Variants in GALNT13 observed in about 807,000 individuals in gnomAD.
GALNT13 encodes UDP-GalNAc:polypeptide N-acetylgalactosaminyltransferase 13.
Under a neutral mutation model 64.2 loss-of-function variants are expected in GALNT13, and 28 were observed. That is an observed-to-expected ratio of 0.44 (90% confidence interval 0.32 to 0.60). The LOEUF (loss-of-function observed/expected upper bound fraction) is 0.60. Among genes scored for constraint, GALNT13 ranks in the 20% least tolerant of loss-of-function variants. The probability of loss-of-function intolerance (pLI) is 0.05; values close to 1 mark genes in which losing one functional copy is unlikely to be tolerated. For synonymous variants in GALNT13, 214 were observed against 224.6 expected (o/e 0.95, Z 0.42); for missense variants, 577 against 669.8 (o/e 0.86, Z 1.53).
the GALNT13 span, among the ~76,000 whole-genome samples, chr2:153,778,887 T>C: frequency 6.6e-6 from 1 of 152,214 alleles, no homozygotes; most frequent in Admixed American, 6.5e-5. Flanking sequence ...AAGCTAGATG[T>C]TAATTTATAT....
At chr2:153,471,275 A>C in the GALNT13 span, among the ~76,000 whole-genome samples, 1 of 152,300 alleles carries the variant, frequency 6.6e-6, no homozygotes, top group East Asian at 1.9e-4. Flanking sequence ...CCAAGGTCTA[A>C]GTTAGTACCT....
At position 153,894,811 on chromosome 2, in the gene GALNT13, C is replaced by G. The variant is rs576333674; in HGVS notation, c.-176-6125C>G. Among the ~76,000 whole-genome samples, 28 of 151,952 alleles carry G rather than the reference C, an allele frequency of 1.8e-4. 1 individual carries two copies. Among genetic ancestry groups the G allele is most frequent in the Non-Finnish European group, 2.2e-4 (15 of 67,980 alleles). On this transcript the variant is annotated intron_variant, in intron 1 of 12. Transcript: ENST00000392825. The stretch of plus-strand genomic sequence containing the variant: ...ATAACAGAACTTAAATATGAGAGGA[C>G]AAAAAGTTCATATATCTTTACTTCG...
chr2:154,129,294 G>A (rs750643908), intron 3 of GALNT13, among the ~76,000 whole-genome samples: 12 of 152,144 alleles, frequency 7.9e-5, no homozygotes, highest in Non-Finnish European at 1.8e-4. Context: ...AGGAAAGAAA[G>A]CAAAGTATGC....
chr2:153,917,780 G>T (rs1478509906), intron 2 of GALNT13, among the ~76,000 whole-genome samples: 1 of 152,094 alleles, frequency 6.6e-6, no homozygotes, highest in Non-Finnish European at 1.5e-5. Flanking sequence ...ACACCCAATT[G>T]AGCAGCCTTG....
chr2:153,304,600 G>T, the GALNT13 span, among the ~76,000 whole-genome samples: 5 of 152,214 alleles, frequency 3.3e-5, no homozygotes, highest in African/African-American at 1.2e-4. Context: ...GACTTATGAC[G>T]GAATAACCTA....
chr2:153,918,564 A>G lies in GALNT13; in HGVS notation c.-105+17557A>G, dbSNP rs1271391738. 3.3e-5 allele frequency among the ~76,000 whole-genome samples: 5 copies of G among 152,086 alleles called. No individual in the cohort carries two copies. In the East Asian group the frequency reaches 9.6e-4, roughly 29 times the overall value. ...TGAGACAGGAAATTTTGAGATTCCT[A>G]CTAACTTACCAGTGTCCCTAAATCC... On this transcript the variant is annotated intron_variant, in intron 2 of 12. Transcript: ENST00000392825.
At chr2:153,323,923 G>C in the GALNT13 span, among the ~76,000 whole-genome samples, 1 of 152,302 alleles carries the variant, frequency 6.6e-6, no homozygotes, top group African/African-American at 2.4e-5. Flanking sequence ...CAGGTAGCAT[G>C]ATGCCTCCAG....
chr2:154,199,205 G>A (rs529983168), intron 4 of GALNT13, among the ~76,000 whole-genome samples: 16 of 151,916 alleles, frequency 1.1e-4, no homozygotes, highest in African/African-American at 3.6e-4. Context: ...GTTCTGCTCT[G>A]AATGTTTCTC....
chr2:153,934,654 A>C (rs114143379), intron 2 of GALNT13, among the ~76,000 whole-genome samples: 4 of 152,280 alleles, frequency 2.6e-5, no homozygotes, highest in African/African-American at 9.6e-5. Context: ...AGTACAATAT[A>C]TGTTTGTGTG....
chr2:153,765,078 T>C, the GALNT13 span, among the ~76,000 whole-genome samples: 5 of 152,160 alleles, frequency 3.3e-5, no homozygotes, highest in African/African-American at 1.2e-4. Flanking sequence ...TGAAAAATCT[T>C]TGTGAGGGCA....
chr2:153,380,153 A>G, the GALNT13 span, among the ~76,000 whole-genome samples: 1 of 152,146 alleles, frequency 6.6e-6, no homozygotes, highest in Admixed American at 6.6e-5. Context: ...TCAACCAATC[A>G]TTGATTGAAA....
At chr2:153,688,613 G>T in the GALNT13 span, among the ~76,000 whole-genome samples, 2 of 151,988 alleles carry the variant, frequency 1.3e-5, no homozygotes, top group South Asian at 4.1e-4. Flanking sequence ...ATCACCCAAA[G>T]GTAGGTCTAA....
rs183761906 is a variant in GALNT13 at position 154,206,522 on chromosome 2, C to T, written c.312-35508C>T. Among the ~76,000 whole-genome samples the T allele has an allele frequency of 2.0e-4, 30 of 151,486 alleles. 1 individual carries two copies. In the East Asian group the frequency reaches 5.2e-3, roughly 26 times the overall value. ...GTACAAGAGGAACGGGGGTCGGGCGCGGTGGCTCACGCCTGTAAACCTAGC... is the reference window on the plus strand; with the variant it reads ...GTACAAGAGGAACGGGGGTCGGGCGTGGTGGCTCACGCCTGTAAACCTAGC... On this transcript the variant is annotated intron_variant, in intron 4 of 12. Transcript: ENST00000392825.
At chr2:153,351,787 G>A in the GALNT13 span, among the ~76,000 whole-genome samples, 46,283 of 151,994 alleles carry the variant, frequency 0.3, 7,570 homozygotes, top group Non-Finnish European at 0.38. Flanking sequence ...TTCATGGCTT[G>A]ATAGGTCATT....
At chr2:153,970,933 C>T (rs1693694467) in intron 3 of GALNT13, among the ~76,000 whole-genome samples, 2 of 152,140 alleles carry the variant, frequency 1.3e-5, no homozygotes, top group Non-Finnish European at 2.9e-5. Flanking sequence ...TTTGCTAGCT[C>T]CCCAATACTC....
chr2:153,812,987 A>G, the GALNT13 span, among the ~76,000 whole-genome samples: 1 of 152,184 alleles, frequency 6.6e-6, no homozygotes, highest in Non-Finnish European at 1.5e-5. Context: ...AAAATGTATA[A>G]AAATGATCAA....
chr2:153,406,838 C>T, the GALNT13 span, among the ~76,000 whole-genome samples: 1 of 152,136 alleles, frequency 6.6e-6, no homozygotes, highest in East Asian at 1.9e-4. Flanking sequence ...ATGAATTGAA[C>T]TTAGTAATTA....
the GALNT13 span, chr2:153,478,822 G>T: frequency 2.3e-6 from 1 of 440,682 alleles, no homozygotes. Context: ...AGGGGGGGCT[G>T]TTGGAACTTG....
chr2:154,293,388 T>G (rs1010984175), intron 8 of GALNT13, among the ~76,000 whole-genome samples: 36 of 152,286 alleles, frequency 2.4e-4, no homozygotes, highest in African/African-American at 8.7e-4. Flanking sequence ...ACACAACATT[T>G]TTAAGACCTG....
Sources: allele counts gnomAD v4.1 joint callset (sites outside exome capture counted in the v4.1 genomes callset), GRCh38; gene constraint gnomAD v4.1.1; transcripts MANE v1.5; gene names NCBI Gene and HGNC (gene_info 2026-07-23, HGNC 2026-07-21).